Variants in HELB observed in about 807,000 individuals in gnomAD.
HELB encodes DNA 5'-3' helicase B.
Under a neutral mutation model 101.7 loss-of-function variants are expected in HELB, and 96 were observed. That is an observed-to-expected ratio of 0.94 (90% CI 0.80 to 1.12). The LOEUF (loss-of-function observed/expected upper bound fraction) is 1.12. Ranked by LOEUF, HELB falls within the 50% of genes most tolerant of loss-of-function variation. The pLI is 0.00. For synonymous variants in HELB, 437 were observed against 459.7 expected, an observed-to-expected ratio of 0.95 and a Z score of 0.63; for missense variants, 1,210 against 1,291.9, an observed-to-expected ratio of 0.94 and a Z score of 0.97.
At chr12:66,336,748 G>A (rs1387394857) in intron 12 of HELB, among the ~76,000 whole-genome samples, 1 of 152,200 alleles carries the variant, frequency 6.6e-6, no homozygotes, top group African/African-American at 2.4e-5. Flanking sequence ...AGGGCACAGT[G>A]AGAGGATGGG....
chr12:66,314,400 T>C (rs1413477894), intron 5 of HELB, among the ~76,000 whole-genome samples: 1 of 152,154 alleles, frequency 6.6e-6, no homozygotes, highest in Non-Finnish European at 1.5e-5. Flanking sequence ...GGGCTACTGC[T>C]AATCACCTAA....
chr12:66,318,612 G>A (rs745903527), intron 6 of HELB, 26 bp from the exon 7 acceptor site: 17 of 1,486,778 alleles, frequency 1.1e-5, no homozygotes, highest in Non-Finnish European at 1.5e-5. Flanking sequence ...AATGTTCTTT[G>A]TGTGTGTGTG....
chr12:66,302,887 C>G (rs1447527293), intron 1 of HELB, 97 bp downstream of exon 1: 2 of 1,072,042 alleles, frequency 1.9e-6, no homozygotes, highest in East Asian at 2.6e-5. Flanking sequence ...GTCGTGCTAA[C>G]AGATTTAGCT....
rs189199692 is a variant in HELB, at chr12:66,310,828, G to A, written c.1680+220G>A. On this transcript the variant is annotated intron_variant, in intron 4 of 12. Transcript: ENST00000247815. ...CACCTGTAATCCCAGCTACTCGGGA[G>A]GCTGAGTCAGGAGAATCATTTGAAC... 3.3e-4 allele frequency among the ~76,000 whole-genome samples: 51 copies of A among 152,268 alleles called. 1 individual carries two copies. The East Asian group carries it at 8.7e-3, about 26-fold the overall frequency.
chr12:66,305,738 G>A (rs2053467539), intron 2 of HELB, among the ~76,000 whole-genome samples: 1 of 112,492 alleles, frequency 8.9e-6, no homozygotes, highest in African/African-American at 3.2e-5. Flanking sequence ...GTGAGACACC[G>A]TCTCAGTTAA....
downstream of HELB, chr12:66,339,948 C>T (rs982166804): frequency 3.3e-5 from 5 of 152,158 alleles, no homozygotes; most frequent in African/African-American, 7.2e-5. Flanking sequence ...GTCAGTGCTT[C>T]GTCTCTTTTA....
rs867002472 is a variant in HELB, at chr12:66,310,114, A to G, written c.1186A>G (p.Asn396Asp). Residue 396 changes from asparagine to aspartate, a missense_variant, in exon 4 of 13, where the codon AAT (asparagine) becomes GAT (aspartate). Asn to Asp is a conservative substitution (Grantham distance 23, BLOSUM62 1). Transcript: ENST00000247815. ...LASIHTTKPE[N>D]SSDDALNESK... is the part of the protein sequence containing the mutation. ...CTCTATTCACACCACAAAACCTGAG[A>G]ATTCAAGCGATGATGCATTGAATGA... 6 of 1,614,244 alleles carry G rather than the reference A, an allele frequency of 3.7e-6. 1 individual carries two copies. The Middle Eastern group carries it at 9.9e-4, about 266-fold the overall frequency.
chr12:66,331,761 A>C (rs1390746777), intron 12 of HELB, 116 bp downstream of exon 12: 39 of 1,035,610 alleles, frequency 3.8e-5, no homozygotes, highest in Non-Finnish European at 5.5e-5. Context: ...ACTTAAAAAC[A>C]ATTGTTTTTC....
rs2053703106 is a variant in HELB at position 66,323,914 on chromosome 12, G to A, written c.2298-69G>A. On this transcript the variant is annotated intron_variant, in intron 9 of 12. Transcript: ENST00000247815. Reference sequence around the variant, plus strand: ...AAAATTGAAACGAGTCTGAGTAGTAGTTAATGTTTGAACAAGTGAAACGGA... The same window carrying A: ...AAAATTGAAACGAGTCTGAGTAGTAATTAATGTTTGAACAAGTGAAACGGA... The A allele has an allele frequency of 1.1e-5, 11 of 990,150 alleles. No individual in the cohort carries two copies. The Admixed American group carries it at 2.0e-4, about 18-fold the overall frequency. 61.3% of individuals were successfully genotyped at this position (990,150 alleles called of 1,614,324 possible).
chr12:66,318,532 A>T (rs1194224434), intron 6 of HELB, 106 bp from the exon 7 acceptor site: 1 of 1,008,130 alleles, frequency 9.9e-7, no homozygotes, highest in African/African-American at 1.7e-5. Flanking sequence ...TCTCTCTGTT[A>T]TCTATTAATA....
intron 11 of HELB, among the ~76,000 whole-genome samples, chr12:66,329,909 C>T (rs2053785299): frequency 1.3e-5 from 2 of 152,080 alleles, no homozygotes; most frequent in Admixed American, 6.6e-5. Flanking sequence ...TAATCAAATA[C>T]CATTTATGTC....
In HELB at chr12:66,331,617, A is replaced by T; in HGVS notation, c.3134A>T (p.Asp1045Val). ...TCCAAAAGAACCTGTGGTGTGAATG[A>T]TGATGAAAGTCCAAGCAAAATTTTT... ...RASKRTCGVN[D>V]DESPSKIFMV... The change falls in exon 12 of 13, where the codon GAT becomes GTT. Residue 1045 changes from aspartate to valine, a missense_variant. Transcript: ENST00000247815. 6.2e-7 allele frequency: 1 copy of T among 1,603,612 alleles called. No homozygotes were observed. Among genetic ancestry groups the T allele is most frequent in the African/African-American group, 1.3e-5 (1 of 74,850 alleles).
chr12:66,311,263 C>A (rs1214630745), intron 4 of HELB, among the ~76,000 whole-genome samples: 1 of 151,970 alleles, frequency 6.6e-6, no homozygotes, highest in African/African-American at 2.4e-5. Context: ...GAGTTTGAGA[C>A]TTGCCTGGGC....
intron 6 of HELB, among the ~76,000 whole-genome samples, chr12:66,315,737 C>A (rs2053597265): frequency 1.3e-5 from 2 of 152,200 alleles, no homozygotes; most frequent in East Asian, 1.9e-4. Context: ...GAAGAAATAT[C>A]CCCTAATTTT....
rs767550787 is a variant in HELB at position 66,331,361 on chromosome 12, G to A, written c.2878G>A (p.Ala960Thr). ...FLQSKLSSSGAPPADFPSPRK... is the reference protein window; with the variant it reads ...FLQSKLSSSGTPPADFPSPRK... ...GCAAAGTAAGCTCTCCTCTAGCGGC[G>A]CACCTCCAGCAGATTTTCCGTCCCC... The change falls in exon 12 of 13, where the codon GCA becomes ACA. Residue 960 changes from alanine (A) to threonine (T), a missense_variant. Around this residue, in one of 2 missense-constraint regions of HELB, gnomAD observed 740 missense variants for 728.8 expected, o/e 1.02. Coordinates refer to ENST00000247815, the MANE Select transcript of HELB (RefSeq NM_001370285.1). 33 of 1,614,046 alleles carry A rather than the reference G, an allele frequency of 2.0e-5. No individual in the cohort carries two copies. The highest frequency in any genetic ancestry group is 2.0e-5 in the Non-Finnish European group (24 of 1,180,032).
intron 3 of HELB, among the ~76,000 whole-genome samples, chr12:66,308,464 C>A (rs2053503441): frequency 6.6e-6 from 1 of 152,216 alleles, no homozygotes; most frequent in Admixed American, 6.5e-5. Flanking sequence ...TCTCACCATT[C>A]AGCATGTAAA....
intron 12 of HELB, among the ~76,000 whole-genome samples, chr12:66,334,471 G>GAAAAAAAAAAAAAAA (rs34530283): frequency 1.8e-5 from 2 of 109,512 alleles, no homozygotes; most frequent in Admixed American, 9.1e-5. Context: ...CAAAAAAAAA[G>GAAAAAAAAAAAAAAA]AAAAAAAAAA....
At chr12:66,309,557 G>A (rs2053515466) in intron 3 of HELB, 149 bp from the exon 4 acceptor site, 1 of 469,432 alleles carries the variant, frequency 2.1e-6, no homozygotes, top group Non-Finnish European at 3.7e-6. Flanking sequence ...TTACGGTGCA[G>A]CCAGTTAGAA....
chr12:66,322,522 G>A (rs1201942790), intron 8 of HELB, among the ~76,000 whole-genome samples: 2 of 147,854 alleles, frequency 1.4e-5, no homozygotes, highest in Non-Finnish European at 3.0e-5. Flanking sequence ...CCGAGAGCAC[G>A]CCATTGCACT....
Sources: allele counts gnomAD v4.1 joint callset (sites outside exome capture counted in the v4.1 genomes callset), GRCh38; gene constraint gnomAD v4.1.1; regional missense constraint gnomAD v4.1.1; transcripts MANE v1.5; gene names NCBI Gene and HGNC (gene_info 2026-07-23, HGNC 2026-07-21).